The following VWA3B variants were observed in gnomAD, a reference collection of about 807,000 sequenced individuals.
The protein encoded by VWA3B is von Willebrand factor A domain-containing protein 3B.
In VWA3B, 138 loss-of-function variants were observed where a neutral mutation model predicts 158.3. The observed-to-expected ratio is 0.87, with a 90% confidence interval of 0.76 to 1.00. The LOEUF (loss-of-function observed/expected upper bound fraction) is 1.00. Among genes scored for constraint, VWA3B ranks in the 50% least tolerant of loss-of-function variants. The pLI is 0.00. For missense variants in VWA3B, 1,555 were observed against 1,565.1 expected, an observed-to-expected ratio of 0.99 and a Z score of 0.11; for synonymous variants, 596 against 587.3, an observed-to-expected ratio of 1.01 and a Z score of -0.21.
At chr2:98,244,408 A>C (rs28439799) in intron 19 of VWA3B, among the ~76,000 whole-genome samples, 6,557 of 152,214 alleles carry the variant, frequency 0.043, 485 homozygotes, top group African/African-American at 0.15. Flanking sequence ...ATTTGTGAAT[A>C]GTTTTCTTAT....
At chr2:98,145,058 T>C (rs1677072293) in intron 7 of VWA3B, among the ~76,000 whole-genome samples, 1 of 152,184 alleles carries the variant, frequency 6.6e-6, no homozygotes, top group African/African-American at 2.4e-5. Context: ...GACTTTATCT[T>C]TTTGCCTGGT....
intron 26 of VWA3B, among the ~76,000 whole-genome samples, chr2:98,309,311 G>T (rs62155318): frequency 0.039 from 5,927 of 152,246 alleles, 166 homozygotes; most frequent in Middle Eastern, 0.075. Context: ...GAAACATCAG[G>T]CATCTGAAGG....
intron 7 of VWA3B, 106 bp downstream of exon 7, chr2:98,134,045 G>A: frequency 1.1e-6 from 1 of 921,596 alleles, no homozygotes. Flanking sequence ...CATGTCTTTT[G>A]TATAATGTTA....
intron 19 of VWA3B, chr2:98,245,676 T>C (rs1487610413): frequency 2.4e-5 from 11 of 450,522 alleles, no homozygotes; most frequent in Non-Finnish European, 4.5e-5. Context: ...TGAAATGTTA[T>C]AATGTTGCTT....
At chr2:98,087,543 CTACCCA>C (rs1681950242) in intron 1 of VWA3B, among the ~76,000 whole-genome samples, 180 bp downstream of exon 1, 1 of 152,200 alleles carries the variant, frequency 6.6e-6, no homozygotes, top group African/African-American at 2.4e-5. Context: ...TAATCGTCCG[CTACCCA>C]GGGCAAGCCG....
At chr2:98,311,582 G>A (rs987550267) in intron 26 of VWA3B, among the ~76,000 whole-genome samples, 3 of 152,124 alleles carry the variant, frequency 2.0e-5, no homozygotes, top group African/African-American at 4.8e-5. Flanking sequence ...GGACGGGTCC[G>A]TATACTCAAG....
At chr2:98,246,589 C>A (rs1189284790) in intron 19 of VWA3B, among the ~76,000 whole-genome samples, 1 of 151,880 alleles carries the variant, frequency 6.6e-6, no homozygotes, top group East Asian at 1.9e-4. Context: ...ACCATGTTGG[C>A]CAGGCTGATC....
chr2:98,099,895 G>C (rs956864085), intron 2 of VWA3B, among the ~76,000 whole-genome samples: 1 of 151,858 alleles, frequency 6.6e-6, no homozygotes, highest in Non-Finnish European at 1.5e-5. Context: ...TCAGCTCCCT[G>C]GTTACTGTTT....
intron 8 of VWA3B, among the ~76,000 whole-genome samples, chr2:98,172,357 CTGGCCAGGGGCCT>C (rs1358074428): frequency 3.6e-3 from 1 of 276 alleles, no homozygotes; most frequent in Non-Finnish European, 7.4e-3. Flanking sequence ...CAGGGGCCTG[CTGGCCAGGGGCCT>C]GCTGGCATGC....
chr2:98,236,728 G>T lies in VWA3B; in HGVS notation c.2671G>T (p.Glu891Ter). The T allele has an allele frequency of 6.2e-7, 1 of 1,611,312 alleles. No individual in the cohort carries two copies. Among genetic ancestry groups the T allele is most frequent in the Non-Finnish European group, 8.5e-7 (1 of 1,179,190 alleles). ...DKHVVSKVFD[E>*]VFPLAHVCND... Reference sequence around the variant, plus strand: ...GCATGTCGTGTCTAAGGTCTTTGATGAGGTAAACTGATTGTCTATACGTCC... The same window carrying T: ...GCATGTCGTGTCTAAGGTCTTTGATTAGGTAAACTGATTGTCTATACGTCC... Residue 891 changes from glutamate (E) to a stop codon, truncating the protein, a stop_gained and splice_region_variant, in exon 19 of 28, where the codon GAG becomes TAG. Coordinates refer to ENST00000477737, the MANE Select transcript of VWA3B (RefSeq NM_144992.5). LOFTEE classifies it high-confidence loss of function.
In VWA3B at chr2:98,234,613, AATTCCTTTAACTCTT is replaced by A; in HGVS notation, c.2309-34_2309-20del. 6 of 1,613,498 alleles carry A rather than the reference AATTCCTTTAACTCTT, an allele frequency of 3.7e-6. No homozygotes were observed. The highest frequency in any genetic ancestry group is 4.2e-6 in the Non-Finnish European group (5 of 1,179,748). On this transcript the variant is annotated intron_variant, in intron 16 of 27. Transcript: ENST00000477737. ...TAATGAAGTATCTCCTTCCATCCCC[AATTCCTTTAACTCTT>A]CCCTCTGTGATACCAACAGAATCAA...
Position 98,162,885 on chromosome 2 carries a change from G to A in VWA3B, c.1023G>A (p.Trp341Ter), listed in dbSNP as rs779095886. 1 of 1,613,922 alleles carries A rather than the reference G, an allele frequency of 6.2e-7. No homozygotes were observed. The change falls in exon 8 of 28, where the codon TGG becomes TGA. Residue 341 changes from tryptophan (W) to a stop codon, truncating the protein, a stop_gained. Coordinates refer to ENST00000477737, the MANE Select transcript of VWA3B (RefSeq NM_144992.5). LOFTEE classifies it high-confidence loss of function. ...AGVREDVFLV[W>*]QEMEEACSTL... The stretch of plus-strand genomic sequence containing the variant: ...TCAGAGAGGACGTGTTTCTCGTTTG[G>A]CAAGAGATGGAGGAAGCCTGCAGCA...
At chr2:98,180,429 T>G (rs1680468593) in intron 8 of VWA3B, among the ~76,000 whole-genome samples, 1 of 152,240 alleles carries the variant, frequency 6.6e-6, no homozygotes, top group Non-Finnish European at 1.5e-5. Flanking sequence ...TGACCTCAGG[T>G]GATCCACCTG....
chr2:98,089,816 C>T (rs1230510851), intron 1 of VWA3B, among the ~76,000 whole-genome samples: 3 of 151,946 alleles, frequency 2.0e-5, no homozygotes, highest in Non-Finnish European at 2.9e-5. Context: ...GAGCCAATTA[C>T]ACTTTTTTTA....
chr2:98,290,393 C>A, intron 22 of VWA3B, 118 bp from the exon 23 acceptor site: 1 of 750,594 alleles, frequency 1.3e-6, no homozygotes, highest in Non-Finnish European at 2.2e-6. Context: ...TGTAATTCAA[C>A]ATGAGATTTG....
At chr2:98,231,177 A>T (rs1470315559) in intron 16 of VWA3B, among the ~76,000 whole-genome samples, 1 of 152,246 alleles carries the variant, frequency 6.6e-6, no homozygotes. Context: ...AGGTTGAATG[A>T]ATTGGTGTGA....
chr2:98,178,721 T>C (rs962375921), intron 8 of VWA3B, among the ~76,000 whole-genome samples: 1 of 152,100 alleles, frequency 6.6e-6, no homozygotes, highest in Non-Finnish European at 1.5e-5. Flanking sequence ...AAAATCCCAA[T>C]GTCCAGGCCA....
chr2:98,238,307 T>C (rs1310401987), intron 19 of VWA3B, among the ~76,000 whole-genome samples: 2 of 152,154 alleles, frequency 1.3e-5, no homozygotes, highest in African/African-American at 2.4e-5. Flanking sequence ...ATTGGCAGAT[T>C]TGATTTATAC....
chr2:98,181,275 C>G, intron 9 of VWA3B, 63 bp downstream of exon 9: 1 of 1,561,892 alleles, frequency 6.4e-7, no homozygotes, highest in African/African-American at 1.4e-5. Flanking sequence ...TGGGTGAGGC[C>G]TCCATCGGGT....
Sources: allele counts gnomAD v4.1 joint callset (sites outside exome capture counted in the v4.1 genomes callset), GRCh38; gene constraint gnomAD v4.1.1; transcripts MANE v1.5; gene names NCBI Gene and HGNC (gene_info 2026-07-23, HGNC 2026-07-21).